The following EEIG2 variants were observed in gnomAD, a reference collection of about 807,000 sequenced individuals.
EEIG2 encodes family with sequence similarity 102 member B.
the EEIG2 span, chr1:108,637,408 G>A: frequency 6.6e-6 from 1 of 151,884 alleles, no homozygotes; most frequent in Non-Finnish European, 1.5e-5. Flanking sequence ...CTCGCTAAGG[G>A]TTGCCTAAGT....
At chr1:108,621,609 T>C in the EEIG2 span, among the ~76,000 whole-genome samples, 1 of 152,006 alleles carries the variant, frequency 6.6e-6, no homozygotes, top group Non-Finnish European at 1.5e-5. Context: ...AAGGGGCCAA[T>C]GTTTGGGAGT....
At chr1:108,610,891 C>T in the EEIG2 span, among the ~76,000 whole-genome samples, 309 of 152,082 alleles carry the variant, frequency 2.0e-3, no homozygotes, top group African/African-American at 7.3e-3. Context: ...CCAGAGCTTG[C>T]AGTGAGCCAA....
the EEIG2 span, chr1:108,637,022 C>T: frequency 6.6e-6 from 1 of 152,116 alleles, no homozygotes; most frequent in African/African-American, 2.4e-5. Flanking sequence ...TCAGTGAGGA[C>T]ATTCATCAGA....
chr1:108,624,898 TTA>T, the EEIG2 span: 2 of 637,848 alleles, frequency 3.1e-6, no homozygotes, highest in Middle Eastern at 2.5e-4. Context: ...ATCCAGTGCT[TTA>T]TTTTGTCTAA....
the EEIG2 span, among the ~76,000 whole-genome samples, chr1:108,608,093 A>C: frequency 1.3e-5 from 2 of 152,162 alleles, no homozygotes; most frequent in Admixed American, 1.3e-4. Context: ...ACACAAGTAA[A>C]CACTCATACA....
the EEIG2 span, among the ~76,000 whole-genome samples, chr1:108,560,942 C>T: frequency 6.6e-6 from 1 of 152,188 alleles, no homozygotes; most frequent in African/African-American, 2.4e-5. Flanking sequence ...CAGCTCTGAA[C>T]AGAAACCTGT....
At chr1:108,569,082 A>G in the EEIG2 span, among the ~76,000 whole-genome samples, 2 of 152,236 alleles carry the variant, frequency 1.3e-5, no homozygotes, top group Non-Finnish European at 2.9e-5. Flanking sequence ...TATTTGAAAA[A>G]TTGTGCCATA....
the EEIG2 span, among the ~76,000 whole-genome samples, chr1:108,588,637 G>A: frequency 7.3e-5 from 11 of 151,504 alleles, no homozygotes; most frequent in East Asian, 2.1e-3. Context: ...GTTTTTTGTG[G>A]TAACATTTGA....
At chr1:108,569,353 T>G in the EEIG2 span, among the ~76,000 whole-genome samples, 1 of 152,230 alleles carries the variant, frequency 6.6e-6, no homozygotes, top group Admixed American at 6.5e-5. Context: ...GCAGTTACTC[T>G]GTTGCCCAGG....
chr1:108,593,794 G>GTTTGT, the EEIG2 span, among the ~76,000 whole-genome samples: 2 of 151,812 alleles, frequency 1.3e-5, no homozygotes, highest in Non-Finnish European at 1.5e-5. Context: ...AGTTTTGTTT[G>GTTTGT]TTTGTTTTGT....
the EEIG2 span, among the ~76,000 whole-genome samples, chr1:108,586,249 G>A: frequency 4.6e-5 from 7 of 151,866 alleles, no homozygotes; most frequent in African/African-American, 1.2e-4. Flanking sequence ...CTCAGGAAAT[G>A]CATCATAGGA....
the EEIG2 span, among the ~76,000 whole-genome samples, chr1:108,588,286 T>C: frequency 6.6e-6 from 1 of 152,220 alleles, no homozygotes; most frequent in Admixed American, 6.6e-5. Context: ...GGAATATCCA[T>C]ACTGTTTTCC....
At chr1:108,568,900 A>G in the EEIG2 span, among the ~76,000 whole-genome samples, 1 of 152,130 alleles carries the variant, frequency 6.6e-6, no homozygotes, top group Admixed American at 6.6e-5. Flanking sequence ...CAAGGTTGAG[A>G]AATTTAGTTT....
At chr1:108,581,974 T>G in the EEIG2 span, among the ~76,000 whole-genome samples, 1 of 152,148 alleles carries the variant, frequency 6.6e-6, no homozygotes, top group Non-Finnish European at 1.5e-5. Flanking sequence ...AATTTCCTTC[T>G]TCTCTTATTT....
the EEIG2 span, chr1:108,635,392 C>T: frequency 3.3e-5 from 15 of 457,772 alleles, no homozygotes; most frequent in Non-Finnish European, 5.9e-5. Context: ...CTTCTGTGGT[C>T]ACTGCACATC....
the EEIG2 span, chr1:108,628,336 A>G: frequency 6.2e-7 from 1 of 1,611,368 alleles, no homozygotes; most frequent in South Asian, 1.1e-5. Context: ...TGGGGGAACG[A>G]TGTCAGATTG....
the EEIG2 span, among the ~76,000 whole-genome samples, chr1:108,605,012 C>T: frequency 3.6e-4 from 54 of 151,916 alleles, no homozygotes; most frequent in African/African-American, 1.1e-3. Context: ...CACTGCACTC[C>T]GGCCTGGTTG....
the EEIG2 span, chr1:108,638,469 C>T: frequency 3.3e-5 from 5 of 152,162 alleles, no homozygotes; most frequent in Non-Finnish European, 4.4e-5. Context: ...ACATTATTAC[C>T]AAATACTTCA....
At chr1:108,598,457 G>A in the EEIG2 span, among the ~76,000 whole-genome samples, 1 of 151,412 alleles carries the variant, frequency 6.6e-6, no homozygotes, top group African/African-American at 2.4e-5. Context: ...CTCCTTACCA[G>A]GGAGTCCTCC....
Sources: gnomAD v4.1 joint callset for allele counts (sites outside exome capture counted in the v4.1 genomes callset) on GRCh38, gnomAD v4.1.1 for gene constraint, MANE v1.5 for transcripts, NCBI Gene and HGNC (gene_info 2026-07-23, HGNC 2026-07-21) for gene names.